NEBL: variants seen among roughly 807,000 people sequenced by gnomAD.
The protein encoded by NEBL is LIM and SH3 protein 2.
NEBL carries 122 observed loss-of-function variants against 140.2 expected under a neutral mutation model. The observed-to-expected ratio is 0.87, with a 90% CI of 0.75 to 1.01. The LOEUF is 1.01. Ranked by LOEUF, NEBL falls within the 50% of genes least tolerant of loss-of-function variation. The pLI is 0.00. For missense variants in NEBL, 1,365 were observed against 1,231.3 expected, an observed-to-expected ratio of 1.11 and a Z score of -1.62; for synonymous variants, 436 against 398.9, an observed-to-expected ratio of 1.09 and a Z score of -1.11.
chr10:21,267,070 G>C (rs952670254), intron 1 of NEBL, among the ~76,000 whole-genome samples: 2 of 152,054 alleles, frequency 1.3e-5, no homozygotes, highest in African/African-American at 4.8e-5. Context: ...CACTTGCCAG[G>C]TCCCAGCAAT....
chr10:21,229,652 C>T (rs1842218481), intron 3 of NEBL, among the ~76,000 whole-genome samples: 1 of 152,146 alleles, frequency 6.6e-6, no homozygotes, highest in Non-Finnish European at 1.5e-5. Context: ...CCACTTGTTT[C>T]ATTTCTATTC....
At chr10:21,237,793 G>A (rs1449686468) in intron 3 of NEBL, among the ~76,000 whole-genome samples, 1 of 151,800 alleles carries the variant, frequency 6.6e-6, no homozygotes, top group Non-Finnish European at 1.5e-5. Flanking sequence ...TTTTAATAGA[G>A]ACTGGGTTTC....
intron 9 of NEBL, among the ~76,000 whole-genome samples, chr10:20,853,616 C>T (rs149749478): frequency 1.3e-5 from 2 of 152,080 alleles, no homozygotes; most frequent in East Asian, 3.9e-4. Context: ...AGTGAGACCC[C>T]AGTTCTACAA....
upstream of NEBL, among the ~76,000 whole-genome samples, chr10:21,179,478 C>T (rs1181910897): frequency 6.6e-6 from 1 of 151,996 alleles, no homozygotes; most frequent in East Asian, 1.9e-4. Flanking sequence ...TCAATGACCC[C>T]CCGCTCCAGC....
chr10:21,226,261 G>C (rs1165685035), intron 3 of NEBL, among the ~76,000 whole-genome samples: 4 of 151,684 alleles, frequency 2.6e-5, no homozygotes, highest in Admixed American at 6.6e-5. Flanking sequence ...CCAATTGCAA[G>C]ATAAAGTCCT....
intron 2 of NEBL, among the ~76,000 whole-genome samples, chr10:21,100,091 G>C (rs1221134096): frequency 6.6e-6 from 1 of 152,130 alleles, no homozygotes; most frequent in Non-Finnish European, 1.5e-5. Context: ...AATGTGCTTA[G>C]ACACCCACTC....
chr10:21,116,094 T>C (rs1224054141), intron 2 of NEBL, among the ~76,000 whole-genome samples: 1 of 152,248 alleles, frequency 6.6e-6, no homozygotes, highest in East Asian at 1.9e-4. Context: ...CATGACTCTC[T>C]TTATCATACT....
intron 2 of NEBL, among the ~76,000 whole-genome samples, chr10:21,108,891 G>T (rs922319427): frequency 1.3e-5 from 2 of 152,030 alleles, no homozygotes; most frequent in East Asian, 3.9e-4. Flanking sequence ...TTGGTGAATC[G>T]ATCCCTTTAC....
intron 1 of NEBL, among the ~76,000 whole-genome samples, chr10:21,254,983 T>C (rs1842636814): frequency 6.6e-6 from 1 of 152,132 alleles, no homozygotes; most frequent in Non-Finnish European, 1.5e-5. Flanking sequence ...ATAGTGTGTG[T>C]TGGGGTAACA....
intron 2 of NEBL, chr10:21,030,135 T>G (rs1833717707): frequency 2.1e-6 from 1 of 469,896 alleles, no homozygotes; most frequent in South Asian, 1.9e-5. Context: ...GAAACAAAAG[T>G]AGAAGAATGG....
chr10:20,819,832 C>T (rs1001651456), intron 19 of NEBL, among the ~76,000 whole-genome samples: 1 of 152,104 alleles, frequency 6.6e-6, no homozygotes, highest in African/African-American at 2.4e-5. Context: ...TCCAGCGATC[C>T]TCCCGACTCG....
chr10:21,248,698 G>A (rs1273999072), intron 2 of NEBL, among the ~76,000 whole-genome samples: 1 of 152,162 alleles, frequency 6.6e-6, no homozygotes, highest in Non-Finnish European at 1.5e-5. Context: ...TAGAGTTGTT[G>A]AATCCTATGG....
At chr10:20,826,999 A>T (rs1025411205) in intron 17 of NEBL, among the ~76,000 whole-genome samples, 3 of 152,210 alleles carry the variant, frequency 2.0e-5, no homozygotes, top group African/African-American at 4.8e-5. Context: ...ATGTTAGCTC[A>T]TCATCAATAT....
intron 3 of NEBL, among the ~76,000 whole-genome samples, chr10:21,216,288 A>G (rs1469577746): frequency 6.6e-6 from 1 of 152,286 alleles, no homozygotes; most frequent in East Asian, 1.9e-4. Context: ...AATGCCACCC[A>G]ACTCAAGGAG....
intron 2 of NEBL, among the ~76,000 whole-genome samples, chr10:21,139,155 A>G (rs983109222): frequency 6.6e-6 from 1 of 152,116 alleles, no homozygotes; most frequent in African/African-American, 2.4e-5. Flanking sequence ...AATTTTTATA[A>G]TCAAGTTACA....
intron 2 of NEBL, among the ~76,000 whole-genome samples, chr10:21,082,659 G>C (rs1836434732): frequency 6.6e-6 from 1 of 150,872 alleles, no homozygotes; most frequent in Non-Finnish European, 1.5e-5. Flanking sequence ...TCCTATACCA[G>C]TGAACTATCA....
intron 2 of NEBL, among the ~76,000 whole-genome samples, chr10:21,060,489 A>G (rs1835224560): frequency 6.6e-6 from 1 of 152,118 alleles, no homozygotes. Context: ...ATTATATCGT[A>G]CACCCTCTTG....
At chr10:20,897,568 G>A, upstream of NEBL, 1 of 1,045,492 alleles carries the variant, frequency 9.6e-7, no homozygotes, top group South Asian at 3.3e-5. Context: ...AGGACTTAGA[G>A]ATTCTGGGAA....
chr10:21,237,551 T>C (rs2132260683), intron 3 of NEBL, among the ~76,000 whole-genome samples: 1 of 152,202 alleles, frequency 6.6e-6, no homozygotes, highest in African/African-American at 2.4e-5. Context: ...AACATCTAAT[T>C]GACATCTGGT....
Sources: gnomAD v4.1 joint callset for allele counts (sites outside exome capture counted in the v4.1 genomes callset) on GRCh38, gnomAD v4.1.1 for gene constraint, MANE v1.5 for transcripts, NCBI Gene and HGNC (gene_info 2026-07-23, HGNC 2026-07-21) for gene names.